FBXO45: variants seen among roughly 807,000 people sequenced by gnomAD.
The protein encoded by FBXO45 is F-box/SPRY domain-containing protein 1.
A neutral mutation model predicts 25.5 loss-of-function variants in FBXO45; 3 were observed. That is an observed-to-expected ratio of 0.12 (90% CI 0.05 to 0.30). The LOEUF (loss-of-function observed/expected upper bound fraction) is 0.30, where lower values mean the gene tolerates loss of function less well. Among genes scored for constraint, FBXO45 ranks in the 10% least tolerant of loss-of-function variants. The pLI is 1.00. For missense variants in FBXO45, 219 were observed against 365.0 expected (o/e 0.60, Z 3.26); for synonymous variants, 155 against 149.8 (o/e 1.03, Z -0.25).
chr3:196,570,567 G>A (rs887823574), intron 1 of FBXO45, among the ~76,000 whole-genome samples: 7 of 151,932 alleles, frequency 4.6e-5, no homozygotes, highest in African/African-American at 1.7e-4. Context: ...TTGCCAACAG[G>A]GGTCGGAGTA....
chr3:196,577,595 G>A lies in FBXO45; in HGVS notation c.461G>A (p.Arg154His), dbSNP rs753654929. Residue 154 changes from arginine to histidine, a missense_variant, in exon 2 of 3, where the codon CGC (arginine) becomes CAC (histidine). Physicochemically the swap from Arg to His is conservative, Grantham distance 29 (BLOSUM62 0). Coordinates refer to ENST00000311630, the MANE Select transcript of FBXO45 (RefSeq NM_001105573.2). Reference sequence around the variant, plus strand: ...ACCAAGATTGGTTTCAGTGAGGGCCGCCATGCATGGGAAGTGTGGTGGGAG... The same window carrying A: ...ACCAAGATTGGTTTCAGTGAGGGCCACCATGCATGGGAAGTGTGGTGGGAG... The part of the protein sequence containing the change: ...ARTKIGFSEG[R>H]HAWEVWWEGP... The A allele has an allele frequency of 1.9e-6, 3 of 1,613,872 alleles. No individual in the cohort carries two copies. Among genetic ancestry groups the A allele is most frequent in the South Asian group, 1.1e-5 (1 of 91,064 alleles).
In FBXO45 at chr3:196,584,160, G is replaced by A; in HGVS notation, c.703G>A (p.Asp235Asn). ...AGGAGAAAGAATTCGAGTCATCTTG[G>A]ACATGGAAGATAAGACTTTAGCTTT... ...QIGERIRVILDMEDKTLAFER... is the reference protein window; with the variant it reads ...QIGERIRVILNMEDKTLAFER... Residue 235 changes from aspartate (D) to asparagine (N), a missense_variant, in exon 3 of 3, where the codon GAC (aspartate) becomes AAC (asparagine). By Grantham distance (23) the Asp-to-Asn change is conservative. Transcript: ENST00000311630. The surrounding 1 kb of genome is among the most constrained non-coding windows in gnomAD (Gnocchi z 4.3). 6.2e-7 allele frequency: 1 copy of A among 1,613,778 alleles called. No homozygotes were observed. The highest frequency in any genetic ancestry group is 8.5e-7 in the Non-Finnish European group (1 of 1,179,850).
chr3:196,575,624 A>G (rs751211627), intron 1 of FBXO45, among the ~76,000 whole-genome samples: 1 of 151,146 alleles, frequency 6.6e-6, no homozygotes, highest in Non-Finnish European at 1.5e-5. Flanking sequence ...AGTATTTGCT[A>G]TTTTGGGGAC....
rs544021148 is a variant in FBXO45, at chr3:196,587,888, G to T, written c.*3570G>T. 3 of 151,870 alleles carry T rather than the reference G, an allele frequency of 2.0e-5. No individual in the cohort carries two copies. Among genetic ancestry groups the T allele is most frequent in the East Asian group, 1.9e-4 (1 of 5,172 alleles). 9.4% of individuals were successfully genotyped at this position (151,870 alleles called of 1,614,324 possible). ...TGCCACCCAGGTTCAAGCAATTCTC[G>T]TGCCTCAGCCTCCCGAGTAGCATGT... is the stretch of plus-strand genomic sequence containing the variant. On this transcript the variant is annotated 3_prime_UTR_variant, in exon 3 of 3. Transcript: ENST00000311630.
intron 1 of FBXO45, among the ~76,000 whole-genome samples, chr3:196,574,268 T>C (rs907714369): frequency 2.0e-5 from 3 of 152,150 alleles, no homozygotes; most frequent in African/African-American, 7.2e-5. Flanking sequence ...CCAGTATCTG[T>C]TTCTAAAAAG....
chr3:196,578,101 C>T (rs563639695), intron 2 of FBXO45, among the ~76,000 whole-genome samples: 14 of 140,192 alleles, frequency 1.0e-4, no homozygotes, highest in African/African-American at 2.8e-4. Context: ...AGTGCAGTGG[C>T]GCCAACTCGG....
At chr3:196,571,110 T>A (rs1030761566) in intron 1 of FBXO45, among the ~76,000 whole-genome samples, 2 of 152,202 alleles carry the variant, frequency 1.3e-5, no homozygotes, top group African/African-American at 4.8e-5. Flanking sequence ...TATAGGTGAG[T>A]ACAGACGATT....
intron 1 of FBXO45, among the ~76,000 whole-genome samples, chr3:196,570,194 G>C (rs922262036): frequency 6.6e-6 from 1 of 151,982 alleles, no homozygotes; most frequent in African/African-American, 2.4e-5. Context: ...ATATATAAGA[G>C]AAGATAAAGT....
chr3:196,588,499 C>T lies in FBXO45; in HGVS notation c.*4181C>T, dbSNP rs1736178045. 6.6e-6 allele frequency: 1 copy of T among 152,206 alleles called. No homozygotes were observed. Among genetic ancestry groups the T allele is most frequent in the African/African-American group, 2.4e-5 (1 of 41,446 alleles). 9.4% of individuals were successfully genotyped at this position (152,206 alleles called of 1,614,324 possible). ...TTATTAGGAACAGCCCACACCCAGC[C>T]CAAATGCTGTCCTCAAAAACATTCC... On this transcript the variant is annotated 3_prime_UTR_variant, in exon 3 of 3. Coordinates refer to ENST00000311630, the MANE Select transcript of FBXO45 (RefSeq NM_001105573.2). The surrounding 1 kb of genome is among the most constrained non-coding windows in gnomAD (Gnocchi z 4.2).
At chr3:196,580,824 TGGTG>T (rs1735997435) in intron 2 of FBXO45, among the ~76,000 whole-genome samples, 1 of 101,404 alleles carries the variant, frequency 9.9e-6, no homozygotes, top group Non-Finnish European at 2.3e-5. Flanking sequence ...TCGGCTGGAG[TGGTG>T]CAGTGGTGCA....
At chr3:196,576,296 T>G (rs1735912991) in intron 1 of FBXO45, among the ~76,000 whole-genome samples, 1 of 152,190 alleles carries the variant, frequency 6.6e-6, no homozygotes, top group Non-Finnish European at 1.5e-5. Flanking sequence ...TCTATGCCTC[T>G]GGAGTTGATT....
rs1245414445 is a variant in FBXO45 at position 196,584,505 on chromosome 3, A to G, written c.*187A>G. 2.6e-5 allele frequency: 14 copies of G among 544,868 alleles called. 1 individual carries two copies. The highest frequency in any genetic ancestry group is 4.0e-5 in the Non-Finnish European group (13 of 322,652). 33.8% of individuals were successfully genotyped at this position (544,868 alleles called of 1,614,324 possible). ...TTCCTCTTTCTACTGGGCCAGAAAA[A>G]TCCTCAGGGTTGCAGTTGGTTGAGT... On this transcript the variant is annotated 3_prime_UTR_variant, in exon 3 of 3. Coordinates refer to ENST00000311630, the MANE Select transcript of FBXO45 (RefSeq NM_001105573.2). The surrounding 1 kb of genome is among the most constrained non-coding windows in gnomAD (Gnocchi z 4.3).
chr3:196,584,489 C>A lies in FBXO45; in HGVS notation c.*171C>A. 1.7e-6 allele frequency: 1 copy of A among 599,250 alleles called. No individual in the cohort carries two copies. Among genetic ancestry groups the A allele is most frequent in the Non-Finnish European group, 2.7e-6 (1 of 366,152 alleles). The allele number at this position is 599,250 out of a possible 1,614,324, so 37.1% of individuals were successfully genotyped here. A position where few individuals can be genotyped will look rare whatever the true frequency, so the allele number is the denominator to read the frequency against. On this transcript the variant is annotated 3_prime_UTR_variant, in exon 3 of 3. Transcript: ENST00000311630. The surrounding 1 kb of genome is among the most constrained non-coding windows in gnomAD (Gnocchi z 4.3). ...GAGATTATCTTCGTGTTTCCTCTTT[C>A]TACTGGGCCAGAAAAATCCTCAGGG...
At position 196,577,309 on chromosome 3, in the gene FBXO45, T is replaced by C. The variant is rs1332199870; in HGVS notation, c.319-144T>C. On this transcript the variant is annotated intron_variant, in intron 1 of 2. Transcript: ENST00000311630. ...TTCTGTTAGTATTCCATCCTGAAAC[T>C]TCAGCCATTATTTGGAAATACTTGT... The C allele has an allele frequency of 1.4e-5, 9 of 645,574 alleles. No homozygotes were observed. In the East Asian group the frequency reaches 2.6e-4, roughly 18 times the overall value. 40.0% of individuals were successfully genotyped at this position (645,574 alleles called of 1,614,324 possible).
Position 196,584,157 on chromosome 3 carries a change from T to C in FBXO45, c.700T>C (p.Leu234=), listed in dbSNP as rs1389392910. The change falls in exon 3 of 3, where the codon TTG becomes CTG. Residue 234 remains leucine, a synonymous_variant. Transcript: ENST00000311630. The surrounding 1 kb of genome is among the most constrained non-coding windows in gnomAD (Gnocchi z 4.3). ...GATAGGAGAAAGAATTCGAGTCATC[T>C]TGGACATGGAAGATAAGACTTTAGC... is the stretch of plus-strand genomic sequence containing the variant. ...YQIGERIRVI[L]DMEDKTLAFE... is the part of the protein sequence containing the mutation. 1.2e-6 allele frequency: 2 copies of C among 1,613,700 alleles called. No homozygotes were observed. Among genetic ancestry groups the C allele is most frequent in the Non-Finnish European group, 1.7e-6 (2 of 1,179,850 alleles).
chr3:196,586,471 G>T lies in FBXO45; in HGVS notation c.*2153G>T, dbSNP rs1736112941. 6.6e-6 allele frequency: 1 copy of T among 152,142 alleles called. No individual in the cohort carries two copies. The highest frequency in any genetic ancestry group is 1.5e-5 in the Non-Finnish European group (1 of 68,044). 9.4% of individuals were successfully genotyped at this position (152,142 alleles called of 1,614,324 possible). A position where few individuals can be genotyped will look rare whatever the true frequency, so the allele number is the denominator to read the frequency against. ...ATTTAAATTCCCGAATGTCCCATTC[G>T]CAAATCATATGCAATTGAAGTGAGC... On this transcript the variant is annotated 3_prime_UTR_variant, in exon 3 of 3. Transcript: ENST00000311630.
At position 196,569,889 on chromosome 3, in the gene FBXO45, C is replaced by T. The variant is rs1365347663; in HGVS notation, c.318+587C>T. On this transcript the variant is annotated intron_variant, in intron 1 of 2. Transcript: ENST00000311630. The surrounding 1 kb of genome is among the most constrained non-coding windows in gnomAD (Gnocchi z 4.1). ...GATACAGGCTTTTATAGAACGTCCA[C>T]GGGCACCACCTAACATACTGCTTTG... Among the ~76,000 whole-genome samples the T allele has an allele frequency of 6.6e-6, 1 of 152,194 alleles. No individual in the cohort carries two copies. Among genetic ancestry groups the T allele is most frequent in the Non-Finnish European group, 1.5e-5 (1 of 68,032 alleles).
Position 196,569,074 on chromosome 3 carries a change from T to A in FBXO45, c.90T>A (p.Ser30=). Reference sequence around the variant, plus strand: ...CGGGCGCGGGCGCGGGCTCGGGCTCTGGGGCCGCGGGGGCCGGGGGCCGGC... The same window carrying A: ...CGGGCGCGGGCGCGGGCTCGGGCTCAGGGGCCGCGGGGGCCGGGGGCCGGC... ...GGAGAGAGSG[S]GAAGAGGRLP... The change falls in exon 1 of 3, where the codon TCT becomes TCA. Residue 30 remains serine (S), a synonymous_variant. Coordinates refer to ENST00000311630, the MANE Select transcript of FBXO45 (RefSeq NM_001105573.2). The surrounding 1 kb of genome is among the most constrained non-coding windows in gnomAD (Gnocchi z 4.1). The A allele has an allele frequency of 7.1e-7, 1 of 1,410,778 alleles. No individual in the cohort carries two copies. The allele number at this position is 1,410,778 out of a possible 1,614,324, so 87.4% of individuals were successfully genotyped here.
Position 196,588,591 on chromosome 3 carries a change from T to G in FBXO45, c.*4273T>G, listed in dbSNP as rs370619745. 6.6e-5 allele frequency: 10 copies of G among 152,232 alleles called. No individual in the cohort carries two copies. Among genetic ancestry groups the G allele is most frequent in the African/African-American group, 2.4e-4 (10 of 41,458 alleles). 9.4% of individuals were successfully genotyped at this position (152,232 alleles called of 1,614,324 possible). On this transcript the variant is annotated 3_prime_UTR_variant, in exon 3 of 3. Coordinates refer to ENST00000311630, the MANE Select transcript of FBXO45 (RefSeq NM_001105573.2). The surrounding 1 kb of genome is among the most constrained non-coding windows in gnomAD (Gnocchi z 4.2). ...CTAGTTTTATATATCTATAGTTGAC[T>G]CATGCTGTATTTATTTATACCTTGT...
Sources: allele counts gnomAD v4.1 joint callset (sites outside exome capture counted in the v4.1 genomes callset), GRCh38; gene constraint gnomAD v4.1.1; non-coding constraint Gnocchi (gnomAD v3.1); transcripts MANE v1.5; gene names NCBI Gene and HGNC (gene_info 2026-07-23, HGNC 2026-07-21).